Variants in MSANTD7 observed in about 807,000 individuals in gnomAD.
The protein encoded by MSANTD7 is Myb/SANT DNA binding domain containing 7.
chr10:14,842,786 A>T, the MSANTD7 span: 4 of 1,536,476 alleles, frequency 2.6e-6, no homozygotes, highest in Non-Finnish European at 3.5e-6. The surrounding 1 kb of genome is among the most constrained non-coding windows in gnomAD (Gnocchi z 5.2). Flanking sequence ...GCTAAGAATC[A>T]GTGACCGGAT....
the MSANTD7 span, chr10:14,842,641 G>A: frequency 6.5e-7 from 1 of 1,536,212 alleles, no homozygotes; most frequent in Non-Finnish European, 8.7e-7. This position sits in a 1 kb window ranked among gnomAD's most constrained non-coding sequence, Gnocchi z 5.2. Context: ...CTTGGGCCAA[G>A]CACTGTGATC....
At chr10:14,844,328 T>C in the MSANTD7 span, 1 of 1,045,148 alleles carries the variant, frequency 9.6e-7, no homozygotes. Flanking sequence ...TATTAATTCA[T>C]ATGGCCTTGG....
At chr10:14,838,637 C>T in the MSANTD7 span, 626 of 597,186 alleles carry the variant, frequency 1.0e-3, 4 homozygotes, top group African/African-American at 0.01. Flanking sequence ...CCTGGCGATT[C>T]CTCCGGAAAG....
At chr10:14,839,540 C>T in the MSANTD7 span, among the ~76,000 whole-genome samples, 2 of 149,916 alleles carry the variant, frequency 1.3e-5, no homozygotes, top group Admixed American at 1.3e-4. Context: ...GTCTGCACTC[C>T]AGCCTGGGCC....
the MSANTD7 span, chr10:14,838,529 A>G: frequency 2.8e-6 from 4 of 1,424,604 alleles, no homozygotes; most frequent in South Asian, 5.0e-5. Context: ...GGTCATCCAC[A>G]GGCTTGAGAG....
chr10:14,845,387 T>C, the MSANTD7 span: 3 of 985,144 alleles, frequency 3.0e-6, no homozygotes, highest in Admixed American at 1.8e-4. Context: ...ATGCTGGAAA[T>C]GGACATAGGT....
At chr10:14,845,281 A>G in the MSANTD7 span, 3 of 985,280 alleles carry the variant, frequency 3.0e-6, no homozygotes, top group South Asian at 4.7e-5. Flanking sequence ...GGATTTAAAA[A>G]GTTTTCCAAT....
the MSANTD7 span, chr10:14,844,333 C>T: frequency 9.6e-7 from 1 of 1,041,036 alleles, no homozygotes; most frequent in South Asian, 3.3e-5. Context: ...ATTCATATGG[C>T]CTTGGCTGAG....
chr10:14,844,570 G>GT, the MSANTD7 span: 35 of 985,358 alleles, frequency 3.6e-5, no homozygotes, highest in Non-Finnish European at 4.0e-5. Flanking sequence ...AGTAAGCACT[G>GT]TTTTGTCAAA....
the MSANTD7 span, chr10:14,846,431 G>A: frequency 1.1e-5 from 11 of 985,216 alleles, no homozygotes; most frequent in South Asian, 4.7e-4. Context: ...CCTAATGTGG[G>A]AATAAAAGTC....
At chr10:14,845,587 CTATTAT>C in the MSANTD7 span, 8 of 928,512 alleles carry the variant, frequency 8.6e-6, no homozygotes, top group Non-Finnish European at 7.7e-6. Flanking sequence ...TTGCCCTTTT[CTATTAT>C]TATTATTTTT....
the MSANTD7 span, chr10:14,840,063 T>TA: frequency 8.6e-7 from 1 of 1,163,948 alleles, no homozygotes; most frequent in African/African-American, 3.7e-5. Flanking sequence ...TATATATTAT[T>TA]TTTTTTTTCA....
At chr10:14,842,051 A>G in the MSANTD7 span, 1 of 984,186 alleles carries the variant, frequency 1.0e-6, no homozygotes, top group Non-Finnish European at 1.5e-6. This position sits in a 1 kb window ranked among gnomAD's most constrained non-coding sequence, Gnocchi z 5.2. Context: ...TTTATGACCT[A>G]CTCACAGGTA....
chr10:14,844,235 A>C, the MSANTD7 span: 5 of 1,082,860 alleles, frequency 4.6e-6, no homozygotes, highest in Non-Finnish European at 5.8e-6. Context: ...TGCCCTGCCT[A>C]CCTCACAGGG....
the MSANTD7 span, chr10:14,846,382 T>C: frequency 6.0e-4 from 593 of 985,368 alleles, 2 homozygotes; most frequent in African/African-American, 9.8e-3. Flanking sequence ...GGAATTAATA[T>C]TTGGATGTGG....
At chr10:14,845,183 A>T in the MSANTD7 span, 3 of 985,480 alleles carry the variant, frequency 3.0e-6, no homozygotes, top group Non-Finnish European at 3.6e-6. Flanking sequence ...TTACTCTAGA[A>T]GGGAAGACAT....
the MSANTD7 span, among the ~76,000 whole-genome samples, chr10:14,838,785 C>A: frequency 7.0e-4 from 107 of 152,038 alleles, no homozygotes; most frequent in Admixed American, 2.5e-3. Context: ...ACAGCGGGGC[C>A]GCTGGGTGTC....
chr10:14,841,764 C>T, the MSANTD7 span, among the ~76,000 whole-genome samples: 2 of 152,208 alleles, frequency 1.3e-5, no homozygotes, highest in Admixed American at 6.5e-5. Flanking sequence ...AGAGCCACAG[C>T]GTGCTGTGAT....
chr10:14,846,426 T>C, the MSANTD7 span: 34 of 985,366 alleles, frequency 3.5e-5, no homozygotes, highest in African/African-American at 1.4e-4. Context: ...GTAACCCTAA[T>C]GTGGGAATAA....
Sources: gnomAD v4.1 joint callset for allele counts (sites outside exome capture counted in the v4.1 genomes callset) on GRCh38, gnomAD v4.1.1 for gene constraint, Gnocchi (gnomAD v3.1) non-coding constraint, MANE v1.5 for transcripts, NCBI Gene and HGNC (gene_info 2026-07-23, HGNC 2026-07-21) for gene names.